The following NPAS3 variants were observed in gnomAD, a reference collection of about 807,000 sequenced individuals.
The protein encoded by NPAS3 is neuronal PAS domain-containing protein 3.
Under a neutral mutation model 73.1 loss-of-function variants are expected in NPAS3, and 14 were observed. The observed-to-expected ratio is 0.19, with a 90% confidence interval of 0.13 to 0.30. The LOEUF is 0.30. Among genes scored for constraint, NPAS3 ranks in the 10% least tolerant of loss-of-function variants. The pLI, the probability that NPAS3 is intolerant of heterozygous loss-of-function variation, is 1.00. For missense variants in NPAS3, 1,096 were observed against 1,250.0 expected (o/e 0.88, Z 1.86); for synonymous variants, 620 against 541.5 (o/e 1.14, Z -2.01).
At position 33,080,740 on chromosome 14, in the gene NPAS3, C is replaced by T. The variant is rs576411337; in HGVS notation, c.140+24746C>T. Among the ~76,000 whole-genome samples, 18 of 152,222 alleles carry T rather than the reference C, an allele frequency of 1.2e-4. No individual in the cohort carries two copies. In the East Asian group the frequency reaches 1.7e-3, roughly 15 times the overall value. On this transcript the variant is annotated intron_variant, in intron 2 of 11. Transcript: ENST00000356141. ...CAGGAGATGCCAGAGAGCATTGTTG[C>T]GTGAAGTGTGAGTGACATCACAGGA...
downstream of NPAS3, chr14:33,801,126 G>C: frequency 6.4e-7 from 1 of 1,556,058 alleles, no homozygotes; most frequent in Non-Finnish European, 8.7e-7. Context: ...GCCCGTCCTG[G>C]GCCCGGCCAG....
chr14:33,480,198 C>T (rs1019847666), intron 4 of NPAS3, among the ~76,000 whole-genome samples: 12 of 152,254 alleles, frequency 7.9e-5, no homozygotes, highest in Non-Finnish European at 1.8e-4. Context: ...CACTTCGTAA[C>T]TTTATGCAGT....
intron 6 of NPAS3, among the ~76,000 whole-genome samples, chr14:33,723,948 T>C (rs752113800): frequency 3.0e-4 from 46 of 152,038 alleles, no homozygotes; most frequent in Non-Finnish European, 1.6e-4. Flanking sequence ...AACTTAAAAA[T>C]ATATATATCC....
At chr14:33,444,113 T>C (rs909078698) in intron 4 of NPAS3, among the ~76,000 whole-genome samples, 1 of 152,200 alleles carries the variant, frequency 6.6e-6, no homozygotes. Flanking sequence ...AGACATTCGA[T>C]TTAGAATCCC....
At chr14:33,574,967 G>A (rs1385118499) in intron 5 of NPAS3, among the ~76,000 whole-genome samples, 1 of 108,268 alleles carries the variant, frequency 9.2e-6, no homozygotes, top group Non-Finnish European at 2.0e-5. Context: ...CATGCACACA[G>A]TGGTGCAAGG....
chr14:33,381,752 A>G (rs2046563693), intron 4 of NPAS3, among the ~76,000 whole-genome samples: 1 of 152,362 alleles, frequency 6.6e-6, no homozygotes, highest in East Asian at 1.9e-4. Context: ...AAACAAGAGG[A>G]CATGCGCTTT....
upstream of NPAS3, among the ~76,000 whole-genome samples, chr14:32,938,849 G>A (rs1488617003): frequency 7.0e-6 from 1 of 143,370 alleles, no homozygotes; most frequent in Non-Finnish European, 1.5e-5. Flanking sequence ...CGCCGCCGCC[G>A]CCTCCCCCTC....
chr14:33,673,005 A>C (rs1386063992), intron 5 of NPAS3, among the ~76,000 whole-genome samples: 1 of 152,226 alleles, frequency 6.6e-6, no homozygotes, highest in Non-Finnish European at 1.5e-5. Context: ...GTGCATATAT[A>C]AGTTGACCTT....
chr14:33,246,371 C>G (rs2048375348), intron 3 of NPAS3, among the ~76,000 whole-genome samples: 1 of 151,788 alleles, frequency 6.6e-6, no homozygotes, highest in African/African-American at 2.4e-5. Context: ...AACCCCGTCT[C>G]TACTAAAAAT....
At chr14:33,061,361 A>T (rs1282976543) in intron 2 of NPAS3, among the ~76,000 whole-genome samples, 2 of 152,196 alleles carry the variant, frequency 1.3e-5, no homozygotes, top group Admixed American at 6.5e-5. Context: ...TTGAGAAAAG[A>T]GTTAGAAATA....
chr14:33,316,347 C>G lies in NPAS3; in HGVS notation c.386-50839C>G, dbSNP rs563262940. 3.9e-5 allele frequency among the ~76,000 whole-genome samples: 6 copies of G among 152,128 alleles called. No homozygotes were observed. In the East Asian group the frequency reaches 1.2e-3, roughly 29 times the overall value. The stretch of plus-strand genomic sequence containing the variant: ...ACCTTGGAAGTGGAAAATACGTGAG[C>G]AGCAATACATAGATTTCTCTTTCTA... On this transcript the variant is annotated intron_variant, in intron 3 of 11. Transcript: ENST00000356141.
intron 2 of NPAS3, among the ~76,000 whole-genome samples, chr14:33,188,392 G>C: frequency 6.6e-6 from 1 of 152,190 alleles, no homozygotes; most frequent in South Asian, 2.1e-4. Flanking sequence ...ATGAATGCTT[G>C]AATGAAGACA....
chr14:33,280,465 C>T (rs2041551894), intron 3 of NPAS3, among the ~76,000 whole-genome samples: 1 of 152,098 alleles, frequency 6.6e-6, no homozygotes, highest in South Asian at 2.1e-4. Flanking sequence ...CTCGGAAGAC[C>T]TGAGTTTTGA....
chr14:33,351,776 C>A (rs2066169879), intron 3 of NPAS3, among the ~76,000 whole-genome samples: 1 of 152,228 alleles, frequency 6.6e-6, no homozygotes, highest in Non-Finnish European at 1.5e-5. Context: ...TGAACAAGGG[C>A]ATGACATGTG....
At chr14:33,138,054 T>TC (rs372040377) in intron 2 of NPAS3, among the ~76,000 whole-genome samples, 109 of 58,768 alleles carry the variant, frequency 1.9e-3, no homozygotes, top group East Asian at 2.9e-3. Context: ...TCTATCACTT[T>TC]TTTTTTTTTT....
intron 3 of NPAS3, among the ~76,000 whole-genome samples, chr14:33,321,935 A>C (rs1045972125): frequency 3.9e-5 from 6 of 152,186 alleles, no homozygotes; most frequent in Non-Finnish European, 8.8e-5. Context: ...GGATTTAGAC[A>C]GATAAGAGGT....
At chr14:33,716,822 G>T (rs761731834) in intron 6 of NPAS3, among the ~76,000 whole-genome samples, 1 of 151,890 alleles carries the variant, frequency 6.6e-6, no homozygotes, top group Admixed American at 6.6e-5. Flanking sequence ...CCCACCCGAC[G>T]ATGGCTCATT....
At chr14:33,720,440 A>G (rs1273602336) in intron 6 of NPAS3, among the ~76,000 whole-genome samples, 12 of 152,204 alleles carry the variant, frequency 7.9e-5, no homozygotes. Flanking sequence ...ACACTTGGGT[A>G]GTTGTTTGAT....
intron 1 of NPAS3, among the ~76,000 whole-genome samples, chr14:32,987,222 C>A: frequency 6.8e-6 from 1 of 146,018 alleles, no homozygotes; most frequent in Non-Finnish European, 1.5e-5. Flanking sequence ...AAGTTTGTGT[C>A]AGAATTTTTT....
Sources: allele counts gnomAD v4.1 joint callset (sites outside exome capture counted in the v4.1 genomes callset), GRCh38; gene constraint gnomAD v4.1.1; transcripts MANE v1.5; gene names NCBI Gene and HGNC (gene_info 2026-07-23, HGNC 2026-07-21).